Variants in ZSCAN10 observed in about 807,000 individuals in gnomAD.
ZSCAN10 encodes the protein zinc finger and SCAN domain containing 10, also known as zinc finger and SCAN domain-containing protein 10.
ZSCAN10 carries 52 observed loss-of-function variants against 63.7 expected under a neutral mutation model. That is an observed-to-expected ratio of 0.82 (90% CI 0.65 to 1.03). The LOEUF is 1.03. ZSCAN10 is among the 50% of genes least tolerant of loss of function. ZSCAN10 has a pLI of 0.00. For missense variants in ZSCAN10, 1,223 were observed against 1,103.8 expected, an observed-to-expected ratio of 1.11 and a Z score of -1.53; for synonymous variants, 544 against 479.6, an observed-to-expected ratio of 1.13 and a Z score of -1.76.
chr16:3,098,744 T>C (rs1276501251), intron 1 of ZSCAN10, among the ~76,000 whole-genome samples: 2 of 151,998 alleles, frequency 1.3e-5, no homozygotes, highest in Non-Finnish European at 2.9e-5. Context: ...GAGCCCGGGG[T>C]GGAGGTGCTG....
chr16:3,088,936 A>G lies in ZSCAN10; in HGVS notation c.*155T>C. On this transcript the variant is annotated 3_prime_UTR_variant, in exon 6 of 6. Transcript: ENST00000576985. ...TTCGGGCGTTTTAATTACATAGCTG[A>G]GGCCAGAAAGCAATGCCTCGGCCAG... 5 of 1,332,238 alleles carry G rather than the reference A, an allele frequency of 3.8e-6. No individual in the cohort carries two copies. The highest frequency in any genetic ancestry group is 4.8e-6 in the Non-Finnish European group (5 of 1,036,884). 82.5% of individuals were successfully genotyped at this position (1,332,238 alleles called of 1,614,324 possible).
intron 5 of ZSCAN10, among the ~76,000 whole-genome samples, chr16:3,091,086 C>CA (rs141784556): frequency 6.6e-6 from 1 of 151,794 alleles, no homozygotes; most frequent in African/African-American, 2.4e-5. Flanking sequence ...AACAAACAAA[C>CA]AAAAAAACCT....
rs773346032 is a variant in ZSCAN10 at position 3,089,665 on chromosome 16, C to T, written c.1769G>A (p.Arg590Gln). The change falls in exon 6 of 6, where the codon CGG (arginine) becomes CAG (glutamine). Residue 590 changes from arginine to glutamine, a missense_variant. Transcript: ENST00000576985. The stretch of plus-strand genomic sequence containing the variant: ...CAGCAGGTGGCGGGCAAGGCTGGCC[C>T]GGCGCACAAAGCGCTTCCCGCACTG... ...CPQCGKRFVRRASLARHLLTH... is the reference protein window; with the variant it reads ...CPQCGKRFVRQASLARHLLTH... 6.3e-6 allele frequency: 10 copies of T among 1,595,380 alleles called. No homozygotes were observed. Among genetic ancestry groups the T allele is most frequent in the South Asian group, 2.2e-5 (2 of 89,240 alleles).
intron 5 of ZSCAN10, among the ~76,000 whole-genome samples, chr16:3,090,904 A>C (rs1957065448): frequency 6.6e-6 from 1 of 151,908 alleles, no homozygotes; most frequent in Non-Finnish European, 1.5e-5. Flanking sequence ...AAAAAAAAAA[A>C]AAAACCAAAA....
intron 5 of ZSCAN10, among the ~76,000 whole-genome samples, chr16:3,091,102 G>A (rs916413677): frequency 6.6e-6 from 1 of 151,956 alleles, no homozygotes; most frequent in South Asian, 2.1e-4. Flanking sequence ...AACCTGGTAG[G>A]TTGGTAGAGA....
Position 3,090,230 on chromosome 16 carries a change from G to T in ZSCAN10, c.1204C>A (p.Arg402=), listed in dbSNP as rs1203599985. The part of the protein sequence containing the change: ...KLHMRTHTDE[R]PHACHLCGHR... ...CCGCACAGGTGGCAGGCGTGCGGCC[G>T]CTCGTCCGTGTGAGTGCGCATGTGC... The change falls in exon 6 of 6, where the codon CGG becomes AGG. Residue 402 remains arginine, a synonymous_variant. Coordinates refer to ENST00000576985, the MANE Select transcript of ZSCAN10 (RefSeq NM_032805.3). 1.2e-6 allele frequency: 2 copies of T among 1,606,724 alleles called. No homozygotes were observed. Among genetic ancestry groups the T allele is most frequent in the African/African-American group, 1.3e-5 (1 of 74,866 alleles).
chr16:3,098,089 A>G (rs1205748619), intron 1 of ZSCAN10, among the ~76,000 whole-genome samples: 1 of 151,040 alleles, frequency 6.6e-6, no homozygotes, highest in Non-Finnish European at 1.5e-5. Flanking sequence ...AGAAAAGAAA[A>G]GAAAAAAAAA....
At chr16:3,091,443 G>T in intron 5 of ZSCAN10, 97 bp downstream of exon 5, 1 of 1,367,400 alleles carries the variant, frequency 7.3e-7, no homozygotes, top group Non-Finnish European at 1.0e-6. Flanking sequence ...CAGGAGTGGA[G>T]ACTAGCCTGG....
rs572867154 is a variant in ZSCAN10 at position 3,089,628 on chromosome 16, G to T, written c.1806C>A (p.Gly602=). Reference sequence around the variant, plus strand: ...ACTGGGTGCAGTGGTGGGGCCGAGGGCCACCGTGGGTCAGCAGGTGGCGGG... The same window carrying T: ...ACTGGGTGCAGTGGTGGGGCCGAGGTCCACCGTGGGTCAGCAGGTGGCGGG... The part of the protein sequence containing the change: ...SLARHLLTHG[G]PRPHHCTQCG... The change falls in exon 6 of 6, where the codon GGC becomes GGA. Residue 602 remains glycine (G), a synonymous_variant. Transcript: ENST00000576985. 3.5e-5 allele frequency: 55 copies of T among 1,585,672 alleles called. No homozygotes were observed. Among genetic ancestry groups the T allele is most frequent in the Non-Finnish European group, 4.4e-5 (51 of 1,166,046 alleles).
intron 1 of ZSCAN10, among the ~76,000 whole-genome samples, chr16:3,096,028 T>G (rs567381007): frequency 3.3e-5 from 5 of 152,258 alleles, no homozygotes; most frequent in South Asian, 2.1e-4. Flanking sequence ...ATAAGTCATC[T>G]ATAGCCACCA....
Position 3,092,663 on chromosome 16 carries a change from A to C in ZSCAN10, c.275T>G (p.Phe92Cys). 6.2e-7 allele frequency: 1 copy of C among 1,613,204 alleles called. No individual in the cohort carries two copies. The highest frequency in any genetic ancestry group is 8.5e-7 in the Non-Finnish European group (1 of 1,179,848). ...QILELLVLEQ[F>C]LSVLPPHLLG... ...GAGGTGCGGAGGCAGCACACTCAGGAACTGCTCCAGCACCAGCAGCTCCAG... is the reference window on the plus strand; with the variant it reads ...GAGGTGCGGAGGCAGCACACTCAGGCACTGCTCCAGCACCAGCAGCTCCAG... Residue 92 changes from phenylalanine (F) to cysteine (C), a missense_variant, in exon 2 of 6, where the codon TTC becomes TGC. Transcript: ENST00000576985.
rs764634388 is a variant in ZSCAN10 at position 3,092,593 on chromosome 16, C to A, written c.345G>T (p.Val115=). Residue 115 remains valine, a synonymous_variant, in exon 2 of 6, where the codon GTG becomes GTT. Coordinates refer to ENST00000576985, the MANE Select transcript of ZSCAN10 (RefSeq NM_032805.3). ...QGQPLRDGEE[V]VLLLEGIHRE... ...GGTGGATGCCCTCGAGCAGCAGCAC[C>A]ACCTCCTCCCCATCCCTGAGCGGCT... is the stretch of plus-strand genomic sequence containing the variant. 5.0e-6 allele frequency: 8 copies of A among 1,592,032 alleles called. No individual in the cohort carries two copies. The highest frequency in any genetic ancestry group is 4.5e-5 in the South Asian group (4 of 88,808).
intron 1 of ZSCAN10, among the ~76,000 whole-genome samples, chr16:3,095,624 C>T (rs1174487988): frequency 5.3e-5 from 8 of 151,666 alleles, no homozygotes; most frequent in Non-Finnish European, 8.8e-5. Context: ...GTCAGGAGAT[C>T]GAGACCATCC....
rs925132777 is a variant in ZSCAN10, at chr16:3,091,384, C to T, written c.787+156G>A. 9.2e-5 allele frequency among the ~76,000 whole-genome samples: 14 copies of T among 152,300 alleles called. No individual in the cohort carries two copies. In the East Asian group the frequency reaches 1.9e-3, roughly 21 times the overall value. On this transcript the variant is annotated intron_variant, in intron 5 of 5. Transcript: ENST00000576985. ...GTTGGCCGGTCACGGTGGCTCATGC[C>T]TGTAATCCTAGTACTTTGGGAGGCT...
rs183640448 is a variant in ZSCAN10 at position 3,098,230 on chromosome 16, C to T, written c.-68+960G>A. On this transcript the variant is annotated intron_variant, in intron 1 of 5. Transcript: ENST00000576985. ...CAGCGGGCAGGTACTGAGTGTCTGG[C>T]GATTAAGCTCATTTCATCCCAGTCC... Among the ~76,000 whole-genome samples the T allele has an allele frequency of 4.6e-5, 7 of 152,060 alleles. No homozygotes were observed. The East Asian group carries it at 1.4e-3, about 29-fold the overall frequency.
intron 1 of ZSCAN10, among the ~76,000 whole-genome samples, chr16:3,095,613 G>A (rs1246461688): frequency 6.6e-6 from 1 of 151,902 alleles, no homozygotes; most frequent in Non-Finnish European, 1.5e-5. Context: ...TGGATCACCA[G>A]GTCAGGAGAT....
At position 3,089,364 on chromosome 16, in the gene ZSCAN10, G is replaced by C; in HGVS notation, c.2070C>G (p.Tyr690Ter). The C allele has an allele frequency of 6.2e-7, 1 of 1,600,520 alleles. No individual in the cohort carries two copies. The highest frequency in any genetic ancestry group is 8.5e-7 in the Non-Finnish European group (1 of 1,178,030). Residue 690 changes from tyrosine to a stop codon, truncating the protein, a stop_gained, in exon 6 of 6, where the codon TAC becomes TAG. Transcript: ENST00000576985. LOFTEE classifies it high-confidence loss of function. ...HRRSHTGERP[Y>*]SCQTCGRSFR... ...AGCTGCGACCGCACGTCTGACAGCTGTAGGGCCGCTCGCCCGTGTGGCTGC... is the reference window on the plus strand; with the variant it reads ...AGCTGCGACCGCACGTCTGACAGCTCTAGGGCCGCTCGCCCGTGTGGCTGC...
intron 5 of ZSCAN10, 140 bp from the exon 6 acceptor site, chr16:3,090,786 A>G: frequency 9.5e-7 from 1 of 1,052,442 alleles, no homozygotes; most frequent in Non-Finnish European, 1.3e-6. Flanking sequence ...ACAGTGGTTC[A>G]CGCCTGTAAT....
intron 1 of ZSCAN10, among the ~76,000 whole-genome samples, chr16:3,097,184 C>G (rs529860369): frequency 1.3e-5 from 2 of 152,012 alleles, no homozygotes; most frequent in African/African-American, 4.8e-5. Context: ...TGCTGTACCC[C>G]CTTAATATGA....
Sources: gnomAD v4.1 joint callset for allele counts (sites outside exome capture counted in the v4.1 genomes callset) on GRCh38, gnomAD v4.1.1 for gene constraint, MANE v1.5 for transcripts, NCBI Gene and HGNC (gene_info 2026-07-23, HGNC 2026-07-21) for gene names.